Variants in ADAMTS17 observed in about 807,000 individuals in gnomAD.
ADAMTS17 encodes the protein A disintegrin and metalloproteinase with thrombospondin motifs 17.
Under a neutral mutation model 141.5 loss-of-function variants are expected in ADAMTS17, and 113 were observed. That is an observed-to-expected ratio of 0.80 (90% CI 0.69 to 0.93). The LOEUF (loss-of-function observed/expected upper bound fraction) is 0.93. Among genes scored for constraint, ADAMTS17 ranks in the 40% least tolerant of loss-of-function variants. The pLI, the probability that ADAMTS17 is intolerant of heterozygous loss-of-function variation, is 0.00. For synonymous variants in ADAMTS17, 768 were observed against 630.6 expected, an observed-to-expected ratio of 1.22 and a Z score of -3.27; for missense variants, 1,659 against 1,517.9, an observed-to-expected ratio of 1.09 and a Z score of -1.54.
intron 3 of ADAMTS17, among the ~76,000 whole-genome samples, chr15:100,286,241 T>G (rs967408030): frequency 6.6e-6 from 1 of 152,206 alleles, no homozygotes; most frequent in African/African-American, 2.4e-5. Flanking sequence ...AATGTGCATG[T>G]GCACCCTGCT....
At chr15:100,250,724 G>A (rs1398339696) in intron 7 of ADAMTS17, among the ~76,000 whole-genome samples, 1 of 152,144 alleles carries the variant, frequency 6.6e-6, no homozygotes, top group Non-Finnish European at 1.5e-5. Context: ...AGTGAAGCCT[G>A]ATTAAGAGCT....
rs755780795 is a variant in ADAMTS17 at position 100,096,498 on chromosome 15, T to A, written c.2017-22A>T. The A allele has an allele frequency of 5.0e-6, 8 of 1,613,980 alleles. No homozygotes were observed. In the Admixed American group the frequency reaches 1.3e-4, roughly 27 times the overall value. On this transcript the variant is annotated intron_variant, in intron 14 of 21. Transcript: ENST00000268070. ...TTTTCTAAAGAACCAGAGGGCCTCA[T>A]TATTCTGTGGTTAAGACTCAGAGGA...
At chr15:100,321,673 C>T (rs1340601770) in intron 3 of ADAMTS17, among the ~76,000 whole-genome samples, 1 of 152,156 alleles carries the variant, frequency 6.6e-6, no homozygotes, top group Admixed American at 6.5e-5. Flanking sequence ...CCTGTGTGCA[C>T]CAAACAATAC....
At chr15:100,181,231 A>G (rs565665762) in intron 8 of ADAMTS17, among the ~76,000 whole-genome samples, 1 of 152,302 alleles carries the variant, frequency 6.6e-6, no homozygotes, top group South Asian at 2.1e-4. Flanking sequence ...TCTGGCCCAG[A>G]ACAGTCCAGA....
Position 100,091,010 on chromosome 15 carries a change from C to CAAAAAAAAAA in ADAMTS17, c.2137+5336_2137+5345dup, listed in dbSNP as rs556800178. 3.5e-4 allele frequency among the ~76,000 whole-genome samples: 19 copies of CAAAAAAAAAA among 54,596 alleles called. 1 individual carries two copies. The highest frequency in any genetic ancestry group is 1.3e-3 in the African/African-American group (19 of 14,104). 35.8% of individuals were successfully genotyped at this position (54,596 alleles called of 152,430 possible). ...GAGGCAGAGTGAGACTCCGTCTCAA[C>CAAAAAAAAAA]AAAAAAAAAAAAAAAAAAGGGTAAC... On this transcript the variant is annotated intron_variant, in intron 15 of 21. Coordinates refer to ENST00000268070, the MANE Select transcript of ADAMTS17 (RefSeq NM_139057.4).
chr15:100,106,216 A>G (rs942436553), intron 14 of ADAMTS17, among the ~76,000 whole-genome samples: 5 of 152,190 alleles, frequency 3.3e-5, no homozygotes, highest in African/African-American at 9.7e-5. Context: ...CTACAGCATG[A>G]AAGTGGGCCT....
chr15:100,119,423 G>A (rs1182863852), intron 12 of ADAMTS17, among the ~76,000 whole-genome samples: 3 of 152,300 alleles, frequency 2.0e-5, no homozygotes, highest in Middle Eastern at 3.4e-3. Context: ...AGGTGGGTTC[G>A]TAGAAGAATA....
chr15:100,237,976 A>C (rs562005411), intron 7 of ADAMTS17, among the ~76,000 whole-genome samples: 4 of 152,304 alleles, frequency 2.6e-5, no homozygotes, highest in East Asian at 1.9e-4. Context: ...TGGCAGAAGA[A>C]AGACTCAAAT....
intron 8 of ADAMTS17, among the ~76,000 whole-genome samples, chr15:100,171,688 C>A (rs538106003): frequency 6.6e-6 from 1 of 152,154 alleles, no homozygotes; most frequent in African/African-American, 2.4e-5. Context: ...CTTTGGAGAA[C>A]CCCCAAAAGC....
intron 8 of ADAMTS17, among the ~76,000 whole-genome samples, chr15:100,162,581 T>G (rs1279331929): frequency 0.5 from 1 of 2 alleles, no homozygotes; most frequent in African/African-American, 0.5. Context: ...TGTATATATA[T>G]GCACATATAC....
At chr15:100,201,719 G>T (rs1433010316) in intron 7 of ADAMTS17, among the ~76,000 whole-genome samples, 9 of 151,888 alleles carry the variant, frequency 5.9e-5, no homozygotes, top group Admixed American at 5.2e-4. Flanking sequence ...AGATGGTTTT[G>T]TGGCCACGTG....
chr15:100,067,098 A>G (rs890264420), intron 15 of ADAMTS17, among the ~76,000 whole-genome samples: 5 of 151,982 alleles, frequency 3.3e-5, no homozygotes, highest in Non-Finnish European at 7.4e-5. Context: ...GTCTTCCCTT[A>G]TGATATTGAG....
intron 7 of ADAMTS17, among the ~76,000 whole-genome samples, chr15:100,248,134 C>A (rs1567425376): frequency 6.6e-6 from 1 of 152,170 alleles, no homozygotes; most frequent in Non-Finnish European, 1.5e-5. Flanking sequence ...CTTCAGCCTG[C>A]AACGGTGGAA....
chr15:99,998,643 C>A (rs2060856153), intron 18 of ADAMTS17, among the ~76,000 whole-genome samples: 1 of 152,104 alleles, frequency 6.6e-6, no homozygotes. Flanking sequence ...CAGGTCCCTG[C>A]CTGATAGCCT....
intron 11 of ADAMTS17, among the ~76,000 whole-genome samples, chr15:100,132,735 A>T (rs929434534): frequency 6.6e-6 from 1 of 152,202 alleles, no homozygotes; most frequent in Non-Finnish European, 1.5e-5. Context: ...CAATTCTTGC[A>T]ATAAGACTGG....
rs970398809 is a variant in ADAMTS17, at chr15:100,054,045, T to G, written c.2147A>C (p.Asp716Ala). 1 of 1,613,820 alleles carries G rather than the reference T, an allele frequency of 6.2e-7. No homozygotes were observed. Among genetic ancestry groups the G allele is most frequent in the Admixed American group, 1.7e-5 (1 of 59,992 alleles). Reference protein sequence around the residue: ...FSHARGTALKDSGKGSINSDW... With the variant: ...FSHARGTALKASGKGSINSDW... ...ACTGTTGATGGACCCCTTACCCGAG[T>G]CTTTGAGAGCTAGAAAGCAAGTTGA... Residue 716 changes from aspartate to alanine, a missense_variant, in exon 16 of 22, where the codon GAC becomes GCC. Transcript: ENST00000268070.
chr15:100,324,950 C>T (rs2045853738), intron 3 of ADAMTS17, among the ~76,000 whole-genome samples: 1 of 152,240 alleles, frequency 6.6e-6, no homozygotes, highest in African/African-American at 2.4e-5. Context: ...TGAGCTTACA[C>T]AGCCCCTCAA....
chr15:100,100,057 C>T (rs914406114), intron 14 of ADAMTS17, among the ~76,000 whole-genome samples: 5 of 152,102 alleles, frequency 3.3e-5, no homozygotes, highest in South Asian at 2.1e-4. Context: ...CTGTGTGTAA[C>T]GCCCACCCTG....
intron 3 of ADAMTS17, among the ~76,000 whole-genome samples, chr15:100,296,605 ATGTGTG>A (rs764662958): frequency 1.4e-5 from 2 of 140,014 alleles, no homozygotes; most frequent in South Asian, 2.3e-4. Flanking sequence ...GTGTGTGTGT[ATGTGTG>A]TGTGTGCGCA....
Sources: allele counts gnomAD v4.1 joint callset (sites outside exome capture counted in the v4.1 genomes callset), GRCh38; gene constraint gnomAD v4.1.1; transcripts MANE v1.5; gene names NCBI Gene and HGNC (gene_info 2026-07-23, HGNC 2026-07-21).